Variants in MS4A1 observed in about 807,000 individuals in gnomAD.
MS4A1 encodes membrane spanning 4-domains A1.
Under a neutral mutation model 26.5 loss-of-function variants are expected in MS4A1, and 16 were observed. That is an observed-to-expected ratio of 0.60 (90% CI 0.41 to 0.92). The LOEUF is 0.92. MS4A1 is among the 40% of genes least tolerant of loss of function. The probability of loss-of-function intolerance (pLI) is 0.00; values close to 1 mark genes in which losing one functional copy is unlikely to be tolerated. For missense variants in MS4A1, 350 were observed against 353.0 expected, an observed-to-expected ratio of 0.99 and a Z score of 0.07; for synonymous variants, 128 against 117.6, an observed-to-expected ratio of 1.09 and a Z score of -0.57.
intron 1 of MS4A1, among the ~76,000 whole-genome samples, chr11:60,458,808 GAT>G (rs1484449699): frequency 6.6e-6 from 1 of 151,970 alleles, no homozygotes; most frequent in Non-Finnish European, 1.5e-5. Context: ...ATATGAGACA[GAT>G]ATATATATAA....
chr11:60,466,199 G>A (rs1362832790), intron 6 of MS4A1, 42 bp downstream of exon 6: 1 of 1,459,682 alleles, frequency 6.9e-7, no homozygotes, highest in Admixed American at 1.7e-5. Context: ...TTCTCTCCAG[G>A]GAGGAAGGAT....
chr11:60,464,443 C>T, intron 5 of MS4A1, 99 bp downstream of exon 5: 1 of 1,035,296 alleles, frequency 9.7e-7, no homozygotes, highest in Non-Finnish European at 1.5e-6. Flanking sequence ...ATCACAGCCT[C>T]TCAGCCCTAA....
At position 60,462,529 on chromosome 11, in the gene MS4A1, T is replaced by C. The variant is rs1565194218; in HGVS notation, c.155T>C (p.Leu52Ser). ...QSFFMRESKT[L>S]GAVQIMNGLF... Reference sequence around the variant, plus strand: ...TTCTTCATGAGGGAATCTAAGACTTTGGGGGTAAGTCAGTTGCCTTCCATC... The same window carrying C: ...TTCTTCATGAGGGAATCTAAGACTTCGGGGGTAAGTCAGTTGCCTTCCATC... Residue 52 changes from leucine (L) to serine (S), a missense_variant, in exon 3 of 8, where the codon TTG becomes TCG. Coordinates refer to ENST00000345732, the MANE Select transcript of MS4A1 (RefSeq NM_152866.3). 3.7e-6 allele frequency: 6 copies of C among 1,614,160 alleles called. No individual in the cohort carries two copies. The highest frequency in any genetic ancestry group is 1.3e-5 in the African/African-American group (1 of 75,050).
rs1040558769 is a variant in MS4A1, at chr11:60,461,876, G to A, written c.-190-309G>A. Among the ~76,000 whole-genome samples the A allele has an allele frequency of 1.0e-4, 15 of 149,046 alleles. 1 individual carries two copies. The highest frequency in any genetic ancestry group is 4.7e-4 in the Admixed American group (6 of 12,758). ...GTGGCAGAGTTAGAGACAGAGAGAGGCCTGGAATCGACCCCTCCTGCTTCT... is the reference window on the plus strand; with the variant it reads ...GTGGCAGAGTTAGAGACAGAGAGAGACCTGGAATCGACCCCTCCTGCTTCT... On this transcript the variant is annotated intron_variant, in intron 2 of 7. Transcript: ENST00000345732.
At chr11:60,459,625 A>G (rs912532631) in intron 1 of MS4A1, among the ~76,000 whole-genome samples, 2 of 152,198 alleles carry the variant, frequency 1.3e-5, no homozygotes, top group Admixed American at 6.5e-5. Context: ...CAAACTCTTT[A>G]GTGGGCTATA....
intron 1 of MS4A1, among the ~76,000 whole-genome samples, chr11:60,456,813 T>A (rs2135190364): frequency 6.6e-6 from 1 of 152,280 alleles, no homozygotes; most frequent in Non-Finnish European, 1.5e-5. Context: ...CATTTTTTAG[T>A]GGAGACAAGG....
chr11:60,460,021 A>G (rs1018635007), intron 1 of MS4A1, among the ~76,000 whole-genome samples: 26 of 152,182 alleles, frequency 1.7e-4, no homozygotes, highest in African/African-American at 6.0e-4. Context: ...GGAGGGGGGC[A>G]GATTGCTTGA....
intron 6 of MS4A1, chr11:60,466,510 G>A: frequency 3.0e-6 from 1 of 338,918 alleles, no homozygotes; most frequent in Non-Finnish European, 5.5e-6. Flanking sequence ...ACTAAGATGA[G>A]CATAGAAGAA....
rs1031655119 is a variant in MS4A1, at chr11:60,469,047, C to T, written c.*579C>T. On this transcript the variant is annotated 3_prime_UTR_variant, in exon 8 of 8. Transcript: ENST00000345732. Reference sequence around the variant, plus strand: ...CATGAGGGAAGCTCTAAATAGCCAACACCCATCTGTTTTTTGTAAAAACAG... The same window carrying T: ...CATGAGGGAAGCTCTAAATAGCCAATACCCATCTGTTTTTTGTAAAAACAG... The T allele has an allele frequency of 2.0e-5, 3 of 153,196 alleles. No homozygotes were observed. Among genetic ancestry groups the T allele is most frequent in the Admixed American group, 6.5e-5 (1 of 15,416 alleles). 9.5% of individuals were successfully genotyped at this position (153,196 alleles called of 1,614,324 possible).
At chr11:60,456,506 A>C (rs535471503) in intron 1 of MS4A1, among the ~76,000 whole-genome samples, 1 of 152,320 alleles carries the variant, frequency 6.6e-6, no homozygotes, top group South Asian at 2.1e-4. Context: ...GTGGCTTTAC[A>C]GGCTAACATT....
At chr11:60,457,729 GCA>G (rs1399480330) in intron 1 of MS4A1, among the ~76,000 whole-genome samples, 1 of 152,174 alleles carries the variant, frequency 6.6e-6, no homozygotes, top group Admixed American at 6.5e-5. Flanking sequence ...TGACTTCACA[GCA>G]CAGTCCTCAA....
chr11:60,464,143 A>C (rs916871821), intron 4 of MS4A1, 145 bp from the exon 5 acceptor site: 2 of 662,076 alleles, frequency 3.0e-6, no homozygotes, highest in African/African-American at 3.6e-5. Flanking sequence ...CAACTGATAA[A>C]AATGGGTGGA....
rs199860984 is a variant in MS4A1 at position 60,465,937 on chromosome 11, T to C, written c.353T>C (p.Ile118Thr). The C allele has an allele frequency of 4.3e-5, 70 of 1,612,994 alleles. No homozygotes were observed. Among genetic ancestry groups the C allele is most frequent in the Non-Finnish European group, 5.8e-5 (68 of 1,179,264 alleles). ...SRKCLVKGKM[I>T]MNSLSLFAAI... ...CCATTTCAGGTCAAAGGAAAAATGA[T>C]AATGAATTCATTGAGCCTCTTTGCT... is the stretch of plus-strand genomic sequence containing the variant. Residue 118 changes from isoleucine (I) to threonine (T), a missense_variant, in exon 6 of 8, where the codon ATA (isoleucine) becomes ACA (threonine). Ile to Thr is a moderately conservative substitution (Grantham distance 89). Coordinates refer to ENST00000345732, the MANE Select transcript of MS4A1 (RefSeq NM_152866.3).
chr11:60,464,012 T>C (rs1426395034), intron 4 of MS4A1: 4 of 519,806 alleles, frequency 7.7e-6, no homozygotes, highest in Non-Finnish European at 1.4e-5. Flanking sequence ...GAAATTTGAG[T>C]TCTGTCTCTT....
chr11:60,465,082 T>A (rs906945614), intron 5 of MS4A1, among the ~76,000 whole-genome samples: 2 of 152,222 alleles, frequency 1.3e-5, no homozygotes, highest in African/African-American at 4.8e-5. Context: ...CACACTCAGT[T>A]TGGGGGGAAA....
Position 60,465,796 on chromosome 11 carries a change from G to A in MS4A1, c.337-125G>A, listed in dbSNP as rs901874311. On this transcript the variant is annotated intron_variant, in intron 5 of 7. Transcript: ENST00000345732. Reference sequence around the variant, plus strand: ...ACAAAGAGGCTAAAAACAACTGAGAGAACTTCAGTATATTTAGTTGTAGTT... The same window carrying A: ...ACAAAGAGGCTAAAAACAACTGAGAAAACTTCAGTATATTTAGTTGTAGTT... 4.3e-5 allele frequency: 32 copies of A among 738,798 alleles called. No individual in the cohort carries two copies. The Admixed American group carries it at 6.9e-4, about 16-fold the overall frequency. 45.8% of individuals were successfully genotyped at this position (738,798 alleles called of 1,614,324 possible).
chr11:60,461,421 G>T (rs546021595), intron 2 of MS4A1, among the ~76,000 whole-genome samples: 97 of 151,620 alleles, frequency 6.4e-4, no homozygotes, highest in African/African-American at 2.3e-3. Flanking sequence ...TAAAGAACTT[G>T]CCCAACATCT....
rs201361363 is a variant in MS4A1, at chr11:60,464,336, A to G, written c.328A>G (p.Lys110Glu). 267 of 1,612,974 alleles carry G rather than the reference A, an allele frequency of 1.7e-4. No individual in the cohort carries two copies. Among genetic ancestry groups the G allele is most frequent in the Non-Finnish European group, 2.0e-4 (241 of 1,179,484 alleles). Residue 110 changes from lysine (K) to glutamate (E), a missense_variant, in exon 5 of 8, where the codon AAG becomes GAG. Physicochemically the swap from Lys to Glu is moderately conservative, Grantham distance 56. Coordinates refer to ENST00000345732, the MANE Select transcript of MS4A1 (RefSeq NM_152866.3). ...GGCAGCAACGGAGAAAAACTCCAGG[A>G]AGTGTTTGGCAAGTAACCATATGTC... ...LLAATEKNSR[K>E]CLVKGKMIMN... is the part of the protein sequence containing the mutation.
At chr11:60,467,277 C>CT (rs201750543) in intron 7 of MS4A1, among the ~76,000 whole-genome samples, 8,859 of 134,446 alleles carry the variant, frequency 0.066, 343 homozygotes, top group Non-Finnish European at 0.075. Context: ...TTCTGTGCGT[C>CT]TTTTTTTTTT....
Sources: gnomAD v4.1 joint callset for allele counts (sites outside exome capture counted in the v4.1 genomes callset) on GRCh38, gnomAD v4.1.1 for gene constraint, MANE v1.5 for transcripts, NCBI Gene and HGNC (gene_info 2026-07-23, HGNC 2026-07-21) for gene names.